CSMD2: variants seen among roughly 807,000 people sequenced by gnomAD.
The protein encoded by CSMD2 is CUB and sushi domain-containing protein 2.
Under a neutral mutation model 398.5 loss-of-function variants are expected in CSMD2, and 130 were observed. That is an observed-to-expected ratio of 0.33 (90% confidence interval 0.28 to 0.38). The LOEUF (loss-of-function observed/expected upper bound fraction) is 0.38, where lower values mean the gene tolerates loss of function less well. CSMD2 is among the 10% of genes least tolerant of loss of function. CSMD2 has a pLI of 1.00. For synonymous variants in CSMD2, 1,828 were observed against 1,908.5 expected, an observed-to-expected ratio of 0.96 and a Z score of 1.10; for missense variants, 3,829 against 4,764.9, an observed-to-expected ratio of 0.80 and a Z score of 5.78.
chr1:34,103,291 T>C (rs1660172270), intron 1 of CSMD2, among the ~76,000 whole-genome samples: 1 of 117,598 alleles, frequency 8.5e-6, no homozygotes, highest in African/African-American at 3.3e-5. Context: ...TCCTTGAGCT[T>C]TTTTTTTTTT....
chr1:34,044,483 G>A (rs1652249202), intron 2 of CSMD2, among the ~76,000 whole-genome samples: 1 of 152,110 alleles, frequency 6.6e-6, no homozygotes, highest in Non-Finnish European at 1.5e-5. Flanking sequence ...TAGGCCCAGA[G>A]AATGCAGGTT....
At position 33,698,982 on chromosome 1, in the gene CSMD2, T is replaced by C. The variant is rs376672211; in HGVS notation, c.3734-38A>G. ...GAAGAGGTAGAGTGAGTAAGACCTATTGTGGCAGAAACCATGCTTCCTCTC... is the reference window on the plus strand; with the variant it reads ...GAAGAGGTAGAGTGAGTAAGACCTACTGTGGCAGAAACCATGCTTCCTCTC... On this transcript the variant is annotated intron_variant, in intron 23 of 70. Transcript: ENST00000373381. 1.1e-5 allele frequency: 17 copies of C among 1,551,760 alleles called. No homozygotes were observed. In the East Asian group the frequency reaches 3.4e-4, roughly 31 times the overall value.
At chr1:34,140,883 G>C (rs1043756062) in intron 1 of CSMD2, among the ~76,000 whole-genome samples, 17 of 152,024 alleles carry the variant, frequency 1.1e-4, no homozygotes, top group African/African-American at 3.9e-4. Context: ...CAGAGACCAG[G>C]CTCATAATCA....
chr1:33,714,187 G>C (rs1646084270), intron 21 of CSMD2, among the ~76,000 whole-genome samples: 1 of 152,120 alleles, frequency 6.6e-6, no homozygotes, highest in African/African-American at 2.4e-5. Context: ...ACTCCCCCTG[G>C]GCAAAGGTCA....
chr1:33,954,600 C>T (rs902765305), intron 3 of CSMD2, among the ~76,000 whole-genome samples: 2 of 152,092 alleles, frequency 1.3e-5, no homozygotes, highest in Non-Finnish European at 2.9e-5. Context: ...ATGGTACATC[C>T]GAACGACGGA....
intron 3 of CSMD2, among the ~76,000 whole-genome samples, chr1:33,957,974 T>A (rs998998310): frequency 1.3e-5 from 2 of 152,066 alleles, no homozygotes; most frequent in Non-Finnish European, 2.9e-5. Context: ...CGCATGTGTG[T>A]GTGTTGGTGC....
chr1:33,769,161 T>C (rs1161790836), intron 13 of CSMD2, among the ~76,000 whole-genome samples: 1 of 152,214 alleles, frequency 6.6e-6, no homozygotes, highest in Admixed American at 6.5e-5. Flanking sequence ...GGTGGAAGAA[T>C]AGCTGGACAA....
chr1:33,551,399 G>A (rs1657430562), intron 55 of CSMD2, among the ~76,000 whole-genome samples: 1 of 152,212 alleles, frequency 6.6e-6, no homozygotes, highest in African/African-American at 2.4e-5. Flanking sequence ...GGACCAGGTG[G>A]TACAAGAAAG....
At chr1:33,660,320 C>T (rs571171598) in intron 26 of CSMD2, among the ~76,000 whole-genome samples, 5 of 152,294 alleles carry the variant, frequency 3.3e-5, no homozygotes, top group East Asian at 1.9e-4. Context: ...TTATGCTTCC[C>T]GCTCACCTTT....
chr1:33,565,867 C>A (rs985458003), intron 53 of CSMD2, among the ~76,000 whole-genome samples: 4 of 151,906 alleles, frequency 2.6e-5, no homozygotes, highest in African/African-American at 9.7e-5. Context: ...TGATTGTATG[C>A]TTTAAAGAGA....
At position 34,015,379 on chromosome 1, in the gene CSMD2, C is replaced by T. The variant is rs138836300; in HGVS notation, c.517+17215G>A. Among the ~76,000 whole-genome samples the T allele has an allele frequency of 1.6e-3, 237 of 152,326 alleles. 1 individual carries two copies. Among genetic ancestry groups the T allele is most frequent in the Middle Eastern group, 0.01 (3 of 294 alleles). On this transcript the variant is annotated intron_variant, in intron 3 of 70. Coordinates refer to ENST00000373381, the MANE Select transcript of CSMD2 (RefSeq NM_001281956.2). ...TGAGTGGTAGATTAACCCAAGAACT[C>T]TATGATTCCAAAGTGTAGGCTTATC... is the stretch of plus-strand genomic sequence containing the variant.
At chr1:33,880,895 T>C (rs780663810) in intron 5 of CSMD2, among the ~76,000 whole-genome samples, 1 of 152,128 alleles carries the variant, frequency 6.6e-6, no homozygotes, top group Non-Finnish European at 1.5e-5. Context: ...TAAGTGACAA[T>C]AAGAATATGA....
rs1006905778 is a variant in CSMD2 at position 33,780,504 on chromosome 1, T to C, written c.1664-7753A>G. Among the ~76,000 whole-genome samples, 4 of 152,200 alleles carry C rather than the reference T, an allele frequency of 2.6e-5. No homozygotes were observed. In the East Asian group the frequency reaches 7.7e-4, roughly 29 times the overall value. ...ATCTCCTTCCTCTATAACACTGTCA[T>C]GGGTTTGTCACCAGCCAAAGGAGGC... On this transcript the variant is annotated intron_variant, in intron 12 of 70. Coordinates refer to ENST00000373381, the MANE Select transcript of CSMD2 (RefSeq NM_001281956.2).
At chr1:33,897,298 G>A (rs1430913752) in intron 5 of CSMD2, among the ~76,000 whole-genome samples, 1 of 152,186 alleles carries the variant, frequency 6.6e-6, no homozygotes, top group East Asian at 1.9e-4. Flanking sequence ...AACATTGAAG[G>A]TGGTGGAAAC....
chr1:33,868,334 T>C (rs1194495974), intron 5 of CSMD2, among the ~76,000 whole-genome samples: 3 of 152,200 alleles, frequency 2.0e-5, no homozygotes, highest in Non-Finnish European at 2.9e-5. Flanking sequence ...ATTCAACAGA[T>C]ATTTACATAA....
chr1:33,832,175 A>T (rs7366303), intron 6 of CSMD2, among the ~76,000 whole-genome samples: 103,004 of 133,522 alleles, frequency 0.77, 40,716 homozygotes, highest in East Asian at 0.93. Context: ...ATAGACATCT[A>T]CAGAACTCTC....
At chr1:34,042,545 C>T (rs1287048773) in intron 2 of CSMD2, among the ~76,000 whole-genome samples, 3 of 152,198 alleles carry the variant, frequency 2.0e-5, no homozygotes, top group Non-Finnish European at 4.4e-5. Context: ...CTTTTCATAA[C>T]TTTCTGAGGA....
At chr1:33,614,679 G>C in intron 39 of CSMD2, 59 bp from the exon 40 acceptor site, 2 of 942,796 alleles carry the variant, frequency 2.1e-6, no homozygotes, top group Non-Finnish European at 3.3e-6. Flanking sequence ...ACAGGGCCCT[G>C]CCAATGTTTG....
intron 6 of CSMD2, among the ~76,000 whole-genome samples, chr1:33,831,496 G>C (rs1659551746): frequency 6.6e-6 from 1 of 151,760 alleles, no homozygotes; most frequent in Non-Finnish European, 1.5e-5. Flanking sequence ...TGCCCTAAAA[G>C]AGCTCCTGAA....
Sources: allele counts gnomAD v4.1 joint callset (sites outside exome capture counted in the v4.1 genomes callset), GRCh38; gene constraint gnomAD v4.1.1; transcripts MANE v1.5; gene names NCBI Gene and HGNC (gene_info 2026-07-23, HGNC 2026-07-21).